Variants in POLR3B observed in about 807,000 individuals in gnomAD.
POLR3B encodes DNA-directed RNA polymerase III subunit RPC2.
POLR3B carries 96 observed loss-of-function variants against 147.4 expected under a neutral mutation model. The observed-to-expected ratio is 0.65, with a 90% CI of 0.55 to 0.77. POLR3B has a LOEUF of 0.77. Among genes scored for constraint, POLR3B ranks in the 30% least tolerant of loss-of-function variants. POLR3B has a pLI of 0.00. For synonymous variants in POLR3B, 461 were observed against 485.9 expected, an observed-to-expected ratio of 0.95 and a Z score of 0.67; for missense variants, 1,036 against 1,413.5, an observed-to-expected ratio of 0.73 and a Z score of 4.28.
chr12:106,402,290 A>T (rs867199052), intron 10 of POLR3B, among the ~76,000 whole-genome samples: 4 of 152,164 alleles, frequency 2.6e-5, no homozygotes, highest in Admixed American at 6.5e-5. Flanking sequence ...ACTACAAACC[A>T]CTGCTCAATG....
chr12:106,364,527 T>G (rs2036507108), intron 2 of POLR3B, among the ~76,000 whole-genome samples: 1 of 152,246 alleles, frequency 6.6e-6, no homozygotes, highest in African/African-American at 2.4e-5. Flanking sequence ...ATAGCCACTT[T>G]GGAAAACAGG....
chr12:106,424,700 C>G (rs2037414139), intron 12 of POLR3B, among the ~76,000 whole-genome samples: 1 of 151,918 alleles, frequency 6.6e-6, no homozygotes, highest in Admixed American at 6.6e-5. Context: ...TGTTTTTTCT[C>G]TGAGTATTAT....
chr12:106,428,848 G>A (rs966779912), intron 13 of POLR3B, among the ~76,000 whole-genome samples: 1 of 152,172 alleles, frequency 6.6e-6, no homozygotes. Flanking sequence ...AGGTTCCAAA[G>A]TGATCGATCT....
intron 27 of POLR3B, among the ~76,000 whole-genome samples, chr12:106,508,046 A>G (rs1463811600): frequency 6.6e-6 from 1 of 152,180 alleles, no homozygotes; most frequent in East Asian, 1.9e-4. Flanking sequence ...TACACTTACA[A>G]AACTTGTTTG....
intron 2 of POLR3B, among the ~76,000 whole-genome samples, chr12:106,365,254 C>T (rs982488641): frequency 3.3e-5 from 5 of 152,022 alleles, no homozygotes; most frequent in African/African-American, 9.7e-5. Flanking sequence ...GTTGTCAGGG[C>T]CAGTTTCCTG....
Position 106,471,248 on chromosome 12 carries a change from G to A in POLR3B, c.2713+7628G>A, listed in dbSNP as rs12314219. ...CTGCGCTAACAGTGAGCAAGGCTCC[G>A]TGGGCATGAGACCAACCAAGCCCAG... On this transcript the variant is annotated intron_variant, in intron 23 of 27. Coordinates refer to ENST00000228347, the MANE Select transcript of POLR3B (RefSeq NM_018082.6). Among the ~76,000 whole-genome samples, 176 of 152,288 alleles carry A rather than the reference G, an allele frequency of 1.2e-3. 1 individual carries two copies. The highest frequency in any genetic ancestry group is 4.0e-3 in the African/African-American group (167 of 41,572).
intron 9 of POLR3B, chr12:106,381,954 C>T (rs766349272): frequency 1.3e-5 from 2 of 152,200 alleles, no homozygotes; most frequent in Non-Finnish European, 2.9e-5. Context: ...AACTTCCTGA[C>T]GTTGCCATGG....
At chr12:106,486,016 G>C (rs949141654) in intron 23 of POLR3B, among the ~76,000 whole-genome samples, 6 of 152,052 alleles carry the variant, frequency 3.9e-5, no homozygotes, top group African/African-American at 1.4e-4. Flanking sequence ...TTGGCCAGGC[G>C]CGGTGGCTCA....
intron 1 of POLR3B, 178 bp downstream of exon 1, chr12:106,358,129 CGCGA>C (rs2036415062): frequency 6.8e-7 from 1 of 1,478,360 alleles, no homozygotes; most frequent in African/African-American, 1.5e-5. Context: ...CCTCCGCGTG[CGCGA>C]GTGAAGGCTG....
intron 2 of POLR3B, among the ~76,000 whole-genome samples, chr12:106,365,335 C>CT (rs764035147): frequency 2.0e-5 from 3 of 152,166 alleles, no homozygotes; most frequent in Non-Finnish European, 4.4e-5. Flanking sequence ...TGAGGAGTTT[C>CT]TAAGTTGGGG....
At chr12:106,462,285 T>C (rs1424536931) in intron 22 of POLR3B, among the ~76,000 whole-genome samples, 2 of 152,184 alleles carry the variant, frequency 1.3e-5, no homozygotes. Flanking sequence ...TCTCGCTCTA[T>C]TGCCCAGGCT....
At chr12:106,437,634 C>G in intron 17 of POLR3B, 47 bp from the exon 18 acceptor site, 3 of 1,062,192 alleles carry the variant, frequency 2.8e-6, no homozygotes, top group South Asian at 1.3e-5. Context: ...TAAAATACTG[C>G]AGAAAAATGC....
chr12:106,375,595 T>A (rs1051532287), intron 6 of POLR3B, among the ~76,000 whole-genome samples: 1 of 152,220 alleles, frequency 6.6e-6, no homozygotes, highest in Admixed American at 6.5e-5. Context: ...TTCAGCAGTA[T>A]CAAAGCTATT....
chr12:106,499,289 C>G (rs1026744689), intron 25 of POLR3B, among the ~76,000 whole-genome samples: 1 of 152,090 alleles, frequency 6.6e-6, no homozygotes, highest in Non-Finnish European at 1.5e-5. Flanking sequence ...TTTGGTGGAC[C>G]TTCGTGAACA....
At chr12:106,363,950 AG>A in intron 2 of POLR3B, 48 bp downstream of exon 2, 1 of 1,401,088 alleles carries the variant, frequency 7.1e-7, no homozygotes, top group Non-Finnish European at 1.0e-6. Flanking sequence ...CAGATGAAAA[AG>A]TCAAGAAATA....
Position 106,378,274 on chromosome 12 carries a change from C to T in POLR3B, c.504C>T (p.Tyr168=). The stretch of plus-strand genomic sequence containing the variant: ...CTTGTTTCCTTTGGGTAGGTGGCTA[C>T]TTCATTGTTAAAGGAGTAGAAAAAG... ...LNECPLDPGG[Y]FIVKGVEKVI... is the part of the protein sequence containing the mutation. Residue 168 remains tyrosine, a synonymous_variant, in exon 8 of 28, where the codon TAC becomes TAT. Coordinates refer to ENST00000228347, the MANE Select transcript of POLR3B (RefSeq NM_018082.6). 6.2e-7 allele frequency: 1 copy of T among 1,605,518 alleles called. No homozygotes were observed.
At chr12:106,402,932 T>A (rs1450804758) in intron 10 of POLR3B, among the ~76,000 whole-genome samples, 1 of 152,116 alleles carries the variant, frequency 6.6e-6, no homozygotes. Context: ...CCAAAAGCAA[T>A]GGCAACAACA....
chr12:106,462,462 G>A (rs1033945595), intron 22 of POLR3B, among the ~76,000 whole-genome samples: 12 of 152,086 alleles, frequency 7.9e-5, no homozygotes, highest in Admixed American at 2.0e-4. Context: ...GGCTGGTCTC[G>A]AACTCCTGAC....
At chr12:106,421,361 G>A (rs1422270522) in intron 12 of POLR3B, among the ~76,000 whole-genome samples, 1 of 152,138 alleles carries the variant, frequency 6.6e-6, no homozygotes, top group Non-Finnish European at 1.5e-5. Flanking sequence ...ACTGCAGAAT[G>A]TCACACTAGT....
Sources: allele counts gnomAD v4.1 joint callset (sites outside exome capture counted in the v4.1 genomes callset), GRCh38; gene constraint gnomAD v4.1.1; transcripts MANE v1.5; gene names NCBI Gene and HGNC (gene_info 2026-07-23, HGNC 2026-07-21).